Variants in MINDY4 observed in about 807,000 individuals in gnomAD.
MINDY4 encodes the protein MINDY lysine 48 deubiquitinase 4.
In MINDY4, 68 loss-of-function variants were observed where a neutral mutation model predicts 87.0. The observed-to-expected ratio is 0.78, with a 90% CI of 0.64 to 0.96. The LOEUF (loss-of-function observed/expected upper bound fraction) is 0.96. MINDY4 is among the 40% of genes least tolerant of loss of function. The probability of loss-of-function intolerance (pLI) is 0.00; values close to 1 mark genes in which losing one functional copy is unlikely to be tolerated. For synonymous variants in MINDY4, 379 were observed against 363.2 expected (o/e 1.04, Z -0.50); for missense variants, 919 against 928.2 (o/e 0.99, Z 0.13).
intron 6 of MINDY4, among the ~76,000 whole-genome samples, chr7:30,831,616 A>G (rs889948356): frequency 1.3e-5 from 2 of 151,948 alleles, no homozygotes; most frequent in South Asian, 2.1e-4. Context: ...TAGAGGAGAG[A>G]TGGGGTCTTT....
chr7:30,810,358 G>C (rs935747573), intron 5 of MINDY4, among the ~76,000 whole-genome samples: 19 of 139,198 alleles, frequency 1.4e-4, no homozygotes, highest in African/African-American at 5.2e-4. Flanking sequence ...AAAAAAAAAA[G>C]TTTATGTGCA....
Position 30,857,585 on chromosome 7 carries a change from G to A in MINDY4, c.1678-1672G>A, listed in dbSNP as rs1298249871. 1.9e-5 allele frequency among the ~76,000 whole-genome samples: 2 copies of A among 104,856 alleles called. 1 individual carries two copies. The highest frequency in any genetic ancestry group is 1.4e-4 in the African/African-American group (2 of 14,528). 68.8% of individuals were successfully genotyped at this position (104,856 alleles called of 152,430 possible). On this transcript the variant is annotated intron_variant, in intron 12 of 17. Coordinates refer to ENST00000265299, the MANE Select transcript of MINDY4 (RefSeq NM_032222.3). ...CCTCCCGGGTTCACGCCATTCTCCTGCCTCAGCCTCCCGAGTAGCTGGGAC... is the reference window on the plus strand; with the variant it reads ...CCTCCCGGGTTCACGCCATTCTCCTACCTCAGCCTCCCGAGTAGCTGGGAC...
intron 3 of MINDY4, among the ~76,000 whole-genome samples, chr7:30,785,289 CACACACACA>C (rs751920519): frequency 6.6e-6 from 1 of 151,850 alleles, no homozygotes; most frequent in African/African-American, 2.4e-5. Context: ...CACACACACA[CACACACACA>C]CACCCATTGG....
At chr7:30,884,410 C>T (rs764237636) in intron 17 of MINDY4, among the ~76,000 whole-genome samples, 4 of 152,186 alleles carry the variant, frequency 2.6e-5, no homozygotes, top group African/African-American at 4.8e-5. Context: ...ACCTGCAGGT[C>T]GCTTTCCTTT....
intron 13 of MINDY4, among the ~76,000 whole-genome samples, chr7:30,867,186 G>A (rs971935673): frequency 4.6e-5 from 7 of 152,270 alleles, no homozygotes; most frequent in African/African-American, 1.7e-4. Flanking sequence ...CTGACTCATC[G>A]TCTACTCCCT....
chr7:30,823,989 A>G (rs1167175864), intron 5 of MINDY4, among the ~76,000 whole-genome samples: 1 of 152,238 alleles, frequency 6.6e-6, no homozygotes, highest in Non-Finnish European at 1.5e-5. Flanking sequence ...TTCTTGTGCC[A>G]TATAAATGGG....
chr7:30,778,419 T>C lies in MINDY4; in HGVS notation c.64-13T>C, dbSNP rs773849633. 1 of 1,614,106 alleles carries C rather than the reference T, an allele frequency of 6.2e-7. No homozygotes were observed. The highest frequency in any genetic ancestry group is 1.1e-5 in the South Asian group (1 of 91,082). ...TTAAGATGGTAAACAGCGATTCAGC[T>C]TTCTTCCCTCAGGGCTTAAAGAAGA... On this transcript the variant is annotated splice_polypyrimidine_tract_variant and intron_variant, in intron 1 of 17. Coordinates refer to ENST00000265299, the MANE Select transcript of MINDY4 (RefSeq NM_032222.3).
chr7:30,868,638 A>G (rs1454883142), intron 13 of MINDY4, among the ~76,000 whole-genome samples: 1 of 152,176 alleles, frequency 6.6e-6, no homozygotes, highest in South Asian at 2.1e-4. Flanking sequence ...CTTCTGCAAA[A>G]TTCTGAGCCT....
At chr7:30,798,576 A>G (rs1787558928) in intron 5 of MINDY4, among the ~76,000 whole-genome samples, 1 of 152,028 alleles carries the variant, frequency 6.6e-6, no homozygotes. Flanking sequence ...GGCTCACTGC[A>G]AGCTCCGCCT....
intron 3 of MINDY4, among the ~76,000 whole-genome samples, chr7:30,783,215 C>T (rs1410735617): frequency 6.6e-6 from 1 of 152,088 alleles, no homozygotes; most frequent in Admixed American, 6.5e-5. Flanking sequence ...CACCTATGTG[C>T]CTTGACTCTT....
intron 5 of MINDY4, among the ~76,000 whole-genome samples, chr7:30,819,221 G>C (rs1313638048): frequency 6.6e-6 from 1 of 152,034 alleles, no homozygotes; most frequent in African/African-American, 2.4e-5. Context: ...ACTGCTTCCC[G>C]TAAGACTTTA....
intron 5 of MINDY4, among the ~76,000 whole-genome samples, chr7:30,791,928 G>A (rs1787337495): frequency 6.6e-6 from 1 of 152,190 alleles, no homozygotes; most frequent in Admixed American, 6.5e-5. Flanking sequence ...GAAAGTTTAT[G>A]AATTTGTGTT....
chr7:30,811,281 G>T (rs1324276344), intron 5 of MINDY4, among the ~76,000 whole-genome samples: 1 of 152,206 alleles, frequency 6.6e-6, no homozygotes, highest in Non-Finnish European at 1.5e-5. Context: ...GCACTAAAAA[G>T]ATTTAAAACT....
At chr7:30,808,479 G>A (rs1488576859) in intron 5 of MINDY4, among the ~76,000 whole-genome samples, 3 of 152,078 alleles carry the variant, frequency 2.0e-5, no homozygotes, top group South Asian at 2.1e-4. Context: ...CTTTTTACTC[G>A]TTCTTTGTTT....
At chr7:30,850,376 T>C in intron 9 of MINDY4, 78 bp from the exon 10 acceptor site, 2 of 1,363,868 alleles carry the variant, frequency 1.5e-6, no homozygotes, top group Non-Finnish European at 2.0e-6. Context: ...GGGGACTGCC[T>C]GACCACACTA....
At chr7:30,844,247 G>A (rs1053581120) in intron 9 of MINDY4, among the ~76,000 whole-genome samples, 5 of 152,160 alleles carry the variant, frequency 3.3e-5, no homozygotes, top group Non-Finnish European at 7.4e-5. Flanking sequence ...CCCCTGAGAG[G>A]GAGGAGTGGA....
At chr7:30,854,053 G>A (rs1789498493) in intron 12 of MINDY4, among the ~76,000 whole-genome samples, 1 of 152,200 alleles carries the variant, frequency 6.6e-6, no homozygotes, top group Non-Finnish European at 1.5e-5. Context: ...GGGCCAGACA[G>A]CAGCAGATCA....
At chr7:30,832,511 C>G (rs866403676) in intron 6 of MINDY4, among the ~76,000 whole-genome samples, 21 of 152,186 alleles carry the variant, frequency 1.4e-4, no homozygotes, top group Middle Eastern at 6.8e-3. Context: ...TCCTTCCCAC[C>G]CTTTTTTTTG....
intron 5 of MINDY4, among the ~76,000 whole-genome samples, chr7:30,809,698 A>T (rs1002703656): frequency 1.3e-5 from 2 of 152,188 alleles, no homozygotes; most frequent in African/African-American, 4.8e-5. Context: ...CATGTATTAT[A>T]GTAACTTCTA....
Sources: allele counts gnomAD v4.1 joint callset (sites outside exome capture counted in the v4.1 genomes callset), GRCh38; gene constraint gnomAD v4.1.1; transcripts MANE v1.5; gene names NCBI Gene and HGNC (gene_info 2026-07-23, HGNC 2026-07-21).